SLC4A10: variants seen among roughly 807,000 people sequenced by gnomAD.
SLC4A10 encodes solute carrier family 4 member 10.
In SLC4A10, 42 loss-of-function variants were observed where a neutral mutation model predicts 137.7. The observed-to-expected ratio is 0.30, with a 90% CI of 0.24 to 0.39. The LOEUF (loss-of-function observed/expected upper bound fraction) is 0.39. Among genes scored for constraint, SLC4A10 ranks in the 10% least tolerant of loss-of-function variants. The pLI is 1.00. For synonymous variants in SLC4A10, 474 were observed against 464.1 expected (o/e 1.02, Z -0.27); for missense variants, 925 against 1,355.0 (o/e 0.68, Z 4.98).
intron 1 of SLC4A10, among the ~76,000 whole-genome samples, chr2:161,733,226 C>T (rs933127516): frequency 1.3e-5 from 2 of 152,190 alleles, no homozygotes; most frequent in African/African-American, 4.8e-5. Context: ...ACTCCCATCA[C>T]AGGCTCAGAA....
intron 15 of SLC4A10, among the ~76,000 whole-genome samples, chr2:161,907,138 A>G (rs1182917617): frequency 1.3e-5 from 2 of 150,898 alleles, no homozygotes; most frequent in East Asian, 3.9e-4. Flanking sequence ...TTTCACTTTT[A>G]TATTATATTT....
At chr2:161,838,617 C>G (rs2058971658) in intron 3 of SLC4A10, among the ~76,000 whole-genome samples, 1 of 152,056 alleles carries the variant, frequency 6.6e-6, no homozygotes, top group African/African-American at 2.4e-5. Context: ...ATAAAGAAGT[C>G]TCAAAACTCG....
In SLC4A10 at chr2:161,926,257, T is replaced by A. The variant is rs1434828314; in HGVS notation, c.1998-16535T>A. Among the ~76,000 whole-genome samples the A allele has an allele frequency of 2.7e-5, 4 of 149,738 alleles. No individual in the cohort carries two copies. The Admixed American group carries it at 2.7e-4, about 10-fold the overall frequency. ...GCTCCTGTATTAGATACATATATAT[T>A]TAGGATAGTTAGCTCTTCTTGTTGA... On this transcript the variant is annotated intron_variant, in intron 15 of 26. Transcript: ENST00000446997.
rs546557017 is a variant in SLC4A10 at position 161,732,229 on chromosome 2, C to T, written c.49-38744C>T. 1.1e-4 allele frequency among the ~76,000 whole-genome samples: 16 copies of T among 152,202 alleles called. No homozygotes were observed. In the East Asian group the frequency reaches 1.5e-3, roughly 15 times the overall value. ...CTTAACCTTTGGCATCTGTTTACTCCCCAGAGGTTGGGGGGTGGAGCTGAA... is the reference window on the plus strand; with the variant it reads ...CTTAACCTTTGGCATCTGTTTACTCTCCAGAGGTTGGGGGGTGGAGCTGAA... On this transcript the variant is annotated intron_variant, in intron 1 of 26. Coordinates refer to ENST00000446997, the MANE Select transcript of SLC4A10 (RefSeq NM_001178015.2).
At chr2:161,767,474 A>G (rs2125400621) in intron 1 of SLC4A10, among the ~76,000 whole-genome samples, 2 of 151,594 alleles carry the variant, frequency 1.3e-5, no homozygotes, top group Non-Finnish European at 2.9e-5. Flanking sequence ...ACTCCTTTCT[A>G]AGACAGCAGT....
intron 1 of SLC4A10, among the ~76,000 whole-genome samples, chr2:161,629,394 A>G (rs1469688502): frequency 2.0e-5 from 3 of 151,406 alleles, no homozygotes; most frequent in African/African-American, 7.3e-5. Flanking sequence ...ATATGTATAT[A>G]TATTTTAATG....
intron 26 of SLC4A10, among the ~76,000 whole-genome samples, chr2:161,981,248 G>A (rs1700178996): frequency 6.6e-6 from 1 of 152,224 alleles, no homozygotes; most frequent in East Asian, 1.9e-4. Flanking sequence ...ACGTTTCAAA[G>A]TATTGTGCAC....
intron 15 of SLC4A10, among the ~76,000 whole-genome samples, chr2:161,919,159 G>T (rs1476687118): frequency 6.6e-6 from 1 of 152,166 alleles, no homozygotes; most frequent in African/African-American, 2.4e-5. Context: ...TGCCATCTCA[G>T]CCCTCTCTGG....
intron 1 of SLC4A10, among the ~76,000 whole-genome samples, chr2:161,696,665 A>G (rs1574411725): frequency 2.0e-5 from 3 of 151,988 alleles, no homozygotes; most frequent in African/African-American, 7.3e-5. Flanking sequence ...ATAGTATTCC[A>G]TGGTGTATAT....
chr2:161,884,881 T>G (rs1462974219), intron 10 of SLC4A10, among the ~76,000 whole-genome samples: 1 of 152,160 alleles, frequency 6.6e-6, no homozygotes, highest in Non-Finnish European at 1.5e-5. Flanking sequence ...TGAAGGCTAT[T>G]GAATAATTGT....
intron 18 of SLC4A10, among the ~76,000 whole-genome samples, chr2:161,949,808 A>G (rs530135077): frequency 2.0e-5 from 3 of 152,022 alleles, no homozygotes; most frequent in Non-Finnish European, 2.9e-5. Context: ...TGTTTCATAT[A>G]TACCTTATAC....
chr2:161,720,136 A>T (rs1243276922), intron 1 of SLC4A10, among the ~76,000 whole-genome samples: 5 of 152,186 alleles, frequency 3.3e-5, no homozygotes, highest in African/African-American at 4.8e-5. Context: ...TCCCAGCACC[A>T]TTTATTAAAT....
intron 1 of SLC4A10, among the ~76,000 whole-genome samples, chr2:161,666,430 GA>G (rs981820094): frequency 1.7e-4 from 26 of 151,634 alleles, no homozygotes; most frequent in African/African-American, 5.8e-4. Flanking sequence ...CATTAAGGGG[GA>G]AAAAAATTGC....
chr2:161,631,664 T>C (rs2033583365), intron 1 of SLC4A10, among the ~76,000 whole-genome samples: 1 of 151,732 alleles, frequency 6.6e-6, no homozygotes, highest in Non-Finnish European at 1.5e-5. Context: ...TTTAATTTCT[T>C]ATGGCAATAT....
chr2:161,929,796 C>T (rs1253921174), intron 15 of SLC4A10, among the ~76,000 whole-genome samples: 1 of 152,048 alleles, frequency 6.6e-6, no homozygotes, highest in African/African-American at 2.4e-5. Context: ...AGCCCTGAAC[C>T]TGAGCCTTAA....
chr2:161,788,837 T>C (rs1260612491), intron 2 of SLC4A10, among the ~76,000 whole-genome samples: 3 of 152,056 alleles, frequency 2.0e-5, no homozygotes. Flanking sequence ...TTCAATGAGG[T>C]GTAGCTGCCA....
chr2:161,950,671 T>C lies in SLC4A10; in HGVS notation c.2380-16T>C. 6.4e-7 allele frequency: 1 copy of C among 1,570,168 alleles called. No homozygotes were observed. Among genetic ancestry groups the C allele is most frequent in the Non-Finnish European group, 8.7e-7 (1 of 1,155,732 alleles). On this transcript the variant is annotated splice_polypyrimidine_tract_variant and intron_variant, in intron 18 of 26. Coordinates refer to ENST00000446997, the MANE Select transcript of SLC4A10 (RefSeq NM_001178015.2). ...TAATCCAGTTCATAACTATGCACAT[T>C]CTTTACTTTATACAGCCCACTAGAG...
In SLC4A10 at chr2:161,983,389, C is replaced by T. The variant is rs1233764950; in HGVS notation, c.*237C>T. 4.3e-6 allele frequency: 3 copies of T among 699,542 alleles called. No homozygotes were observed. The highest frequency in any genetic ancestry group is 7.0e-6 in the Non-Finnish European group (3 of 429,088). The allele number at this position is 699,542 out of a possible 1,614,324, so 43.3% of individuals were successfully genotyped here. On this transcript the variant is annotated 3_prime_UTR_variant, in exon 27 of 27. Coordinates refer to ENST00000446997, the MANE Select transcript of SLC4A10 (RefSeq NM_001178015.2). ...AAGTAGTGCAATACTTGTTTCATTT[C>T]TGTGTTTAAACTTCTGAGCAGTGAG...
Position 161,652,426 on chromosome 2 carries a change from TAC to T in SLC4A10, c.48+27874_48+27875del, listed in dbSNP as rs931138522. On this transcript the variant is annotated intron_variant, in intron 1 of 26. Coordinates refer to ENST00000446997, the MANE Select transcript of SLC4A10 (RefSeq NM_001178015.2). ...CATGTTGAATGCAAGAGAAAAGATA[TAC>T]ACACACACACACATATGTGAAGAAT... Among the ~76,000 whole-genome samples, 110 of 151,748 alleles carry T rather than the reference TAC, an allele frequency of 7.2e-4. No homozygotes were observed. In the Middle Eastern group the frequency reaches 0.01, roughly 14 times the overall value.
Sources: allele counts gnomAD v4.1 joint callset (sites outside exome capture counted in the v4.1 genomes callset), GRCh38; gene constraint gnomAD v4.1.1; transcripts MANE v1.5; gene names NCBI Gene and HGNC (gene_info 2026-07-23, HGNC 2026-07-21).